Variants in ADAMTS20 observed in about 807,000 individuals in gnomAD.
The protein encoded by ADAMTS20 is ADAM metallopeptidase with thrombospondin type 1 motif 20.
In ADAMTS20, 225 loss-of-function variants were observed where a neutral mutation model predicts 260.1. The ratio of observed to expected loss-of-function variants is 0.87; its 90% CI spans 0.78 to 0.97. The LOEUF (loss-of-function observed/expected upper bound fraction) is 0.97, where lower values mean the gene tolerates loss of function less well. ADAMTS20 is among the 50% of genes least tolerant of loss of function. The probability of loss-of-function intolerance (pLI) is 0.00; values close to 1 mark genes in which losing one functional copy is unlikely to be tolerated. For synonymous variants in ADAMTS20, 802 were observed against 769.5 expected (o/e 1.04, Z -0.70); for missense variants, 2,400 against 2,337.7 (o/e 1.03, Z -0.55).
chr12:43,405,457 TAATAAA>T (rs1940902157), intron 28 of ADAMTS20, among the ~76,000 whole-genome samples: 1 of 131,558 alleles, frequency 7.6e-6, no homozygotes, highest in African/African-American at 2.7e-5. Flanking sequence ...ATAATAATAA[TAATAAA>T]TTAAATATTT....
At chr12:43,440,139 CTTTT>C (rs35606718) in intron 16 of ADAMTS20, 70 bp from the exon 17 acceptor site, 6,415 of 549,778 alleles carry the variant, frequency 0.012, no homozygotes, top group Middle Eastern at 0.018. Flanking sequence ...ACTTGTTTAA[CTTTT>C]TTTTTTTTTT....
At chr12:43,534,888 A>G (rs1943273427) in intron 2 of ADAMTS20, among the ~76,000 whole-genome samples, 1 of 152,164 alleles carries the variant, frequency 6.6e-6, no homozygotes, top group South Asian at 2.1e-4. Context: ...AGGATGGACT[A>G]GGTATGGCAT....
chr12:43,443,175 G>A (rs1402804907), intron 16 of ADAMTS20, among the ~76,000 whole-genome samples: 10 of 152,260 alleles, frequency 6.6e-5, no homozygotes, highest in Non-Finnish European at 5.9e-5. Context: ...ACAGGCAGAA[G>A]GAAAAGGTTT....
chr12:43,437,280 A>AATTG (rs1485081985), intron 18 of ADAMTS20, among the ~76,000 whole-genome samples: 14 of 152,178 alleles, frequency 9.2e-5, no homozygotes, highest in African/African-American at 3.4e-4. Flanking sequence ...TTAGAAAAGA[A>AATTG]ATATCAGTTT....
chr12:43,477,059 A>G (rs1290124737), intron 7 of ADAMTS20, among the ~76,000 whole-genome samples: 1 of 151,924 alleles, frequency 6.6e-6, no homozygotes, highest in East Asian at 1.9e-4. Context: ...TAAATAAAAA[A>G]AAAAAAAAAA....
At chr12:43,528,685 A>T (rs192938308) in intron 3 of ADAMTS20, among the ~76,000 whole-genome samples, 172 of 152,230 alleles carry the variant, frequency 1.1e-3, no homozygotes, top group African/African-American at 3.9e-3. Context: ...TAAATCTAAG[A>T]CCTGAAACCA....
At chr12:43,394,764 T>C (rs1940665245) in intron 29 of ADAMTS20, among the ~76,000 whole-genome samples, 1 of 152,064 alleles carries the variant, frequency 6.6e-6, no homozygotes, top group South Asian at 2.1e-4. Context: ...ACTAGTATAA[T>C]GGAGAAAGCT....
At chr12:43,496,439 C>A (rs774319257) in intron 4 of ADAMTS20, among the ~76,000 whole-genome samples, 38 of 152,168 alleles carry the variant, frequency 2.5e-4, no homozygotes, top group Non-Finnish European at 3.8e-4. Context: ...CCAATTAGTT[C>A]TTGGTACAAA....
Position 43,354,153 on chromosome 12 carries a change from T to C in ADAMTS20, c.*56A>G, listed in dbSNP as rs1939692833. ...GATATAAAGAAATGAGCACCAGTTA[T>C]TTGAATATTCCAGAGAATATCCCCT... On this transcript the variant is annotated 3_prime_UTR_variant, in exon 39 of 39. Coordinates refer to ENST00000389420, the MANE Select transcript of ADAMTS20 (RefSeq NM_025003.5). 1 of 1,298,604 alleles carries C rather than the reference T, an allele frequency of 7.7e-7. No individual in the cohort carries two copies. Among genetic ancestry groups the C allele is most frequent in the Admixed American group, 2.2e-5 (1 of 45,018 alleles). The allele number at this position is 1,298,604 out of a possible 1,614,324, so 80.4% of individuals were successfully genotyped here.
intron 29 of ADAMTS20, among the ~76,000 whole-genome samples, chr12:43,385,513 A>G (rs2137230187): frequency 6.6e-6 from 1 of 152,268 alleles, no homozygotes; most frequent in South Asian, 2.1e-4. Context: ...TTAGTCATGA[A>G]GTCTTTGCCC....
At chr12:43,356,347 ATG>A in intron 38 of ADAMTS20, 135 bp downstream of exon 38, 1 of 535,574 alleles carries the variant, frequency 1.9e-6, no homozygotes, top group Non-Finnish European at 3.3e-6. Flanking sequence ...GCTCCATTAT[ATG>A]TAATATACCC....
At chr12:43,382,664 T>C (rs1375462506) in intron 31 of ADAMTS20, among the ~76,000 whole-genome samples, 3 of 151,988 alleles carry the variant, frequency 2.0e-5, no homozygotes, top group African/African-American at 7.3e-5. Context: ...AAAAAGATAA[T>C]TTTTAAAAAA....
chr12:43,374,007 C>G (rs1940167441), intron 36 of ADAMTS20, among the ~76,000 whole-genome samples: 4 of 150,936 alleles, frequency 2.7e-5, no homozygotes, highest in Non-Finnish European at 4.4e-5. Flanking sequence ...CCTCACCAAA[C>G]AAGAATAAAA....
intron 14 of ADAMTS20, among the ~76,000 whole-genome samples, chr12:43,450,876 G>A (rs1002397280): frequency 1.3e-5 from 2 of 151,978 alleles, no homozygotes; most frequent in Non-Finnish European, 2.9e-5. Context: ...TTTTTGTGGT[G>A]ACAGCACATA....
rs771844976 is a variant in ADAMTS20 at position 43,432,683 on chromosome 12, C to G, written c.2849G>C (p.Gly950Ala). 1.6e-5 allele frequency: 26 copies of G among 1,613,766 alleles called. No homozygotes were observed. The South Asian group carries it at 2.6e-4, about 16-fold the overall frequency. Residue 950 changes from glycine (G) to alanine (A), a missense_variant, in exon 20 of 39, where the codon GGT becomes GCT. By Grantham distance (60) the Gly-to-Ala change is moderately conservative. Transcript: ENST00000389420. ...TTGGGTAGGAGGTTTAAGCTGGTCA[C>G]CACAGTAGTGGTCATCAACTTGAAC... ...QTVQVDDHYCGDQLKPPTQEL... is the reference protein window; with the variant it reads ...QTVQVDDHYCADQLKPPTQEL...
At chr12:43,395,314 A>T (rs1940676780) in intron 29 of ADAMTS20, among the ~76,000 whole-genome samples, 1 of 152,172 alleles carries the variant, frequency 6.6e-6, no homozygotes, top group Non-Finnish European at 1.5e-5. Flanking sequence ...TAAAAAATTA[A>T]CATTTACTAT....
At chr12:43,546,326 C>T (rs1046210562) in intron 2 of ADAMTS20, among the ~76,000 whole-genome samples, 3 of 152,220 alleles carry the variant, frequency 2.0e-5, no homozygotes, top group East Asian at 3.9e-4. Flanking sequence ...AAGTCAGATG[C>T]AATGTCTGGT....
At position 43,365,321 on chromosome 12, in the gene ADAMTS20, A is replaced by C. The variant is rs185451945; in HGVS notation, c.5538+3969T>G. On this transcript the variant is annotated intron_variant, in intron 37 of 38. Transcript: ENST00000389420. ...ATACAAATCAACTTAAAAAATCAAG[A>C]GTGCTGATAAAGTTAATTATGTAGA... 1.6e-3 allele frequency among the ~76,000 whole-genome samples: 247 copies of C among 152,168 alleles called. 1 individual carries two copies. Among genetic ancestry groups the C allele is most frequent in the Admixed American group, 3.3e-3 (50 of 15,266 alleles).
chr12:43,431,244 T>A (rs1213703862), intron 22 of ADAMTS20, 88 bp downstream of exon 22: 10 of 1,356,700 alleles, frequency 7.4e-6, no homozygotes, highest in Non-Finnish European at 1.0e-5. Flanking sequence ...TTCCATTGCA[T>A]CCACTAAGGG....
Sources: gnomAD v4.1 joint callset for allele counts (sites outside exome capture counted in the v4.1 genomes callset) on GRCh38, gnomAD v4.1.1 for gene constraint, MANE v1.5 for transcripts, NCBI Gene and HGNC (gene_info 2026-07-23, HGNC 2026-07-21) for gene names.